CACNB4: variants seen among roughly 807,000 people sequenced by gnomAD.
The protein encoded by CACNB4 is voltage-dependent L-type calcium channel subunit beta-4.
A neutral mutation model predicts 71.2 loss-of-function variants in CACNB4; 32 were observed. The ratio of observed to expected loss-of-function variants is 0.45; its 90% CI spans 0.34 to 0.60. CACNB4 has a LOEUF of 0.60. CACNB4 is among the 20% of genes least tolerant of loss of function. CACNB4 has a pLI of 0.01. For missense variants in CACNB4, 464 were observed against 647.9 expected, an observed-to-expected ratio of 0.72 and a Z score of 3.08; for synonymous variants, 231 against 236.9, an observed-to-expected ratio of 0.97 and a Z score of 0.23.
At chr2:152,006,715 A>G (rs898638082) in intron 2 of CACNB4, among the ~76,000 whole-genome samples, 2 of 152,094 alleles carry the variant, frequency 1.3e-5, no homozygotes, top group African/African-American at 4.8e-5. Context: ...TTACTCTGGG[A>G]TTGAAAGCCT....
At chr2:151,846,392 A>T (rs1248526100) in intron 12 of CACNB4, among the ~76,000 whole-genome samples, 1 of 152,154 alleles carries the variant, frequency 6.6e-6, no homozygotes, top group African/African-American at 2.4e-5. Context: ...TATAAAATAC[A>T]TATTTTCTAG....
At chr2:151,867,248 G>A (rs2099843403) in intron 9 of CACNB4, 1 of 152,220 alleles carries the variant, frequency 6.6e-6, no homozygotes, top group Non-Finnish European at 1.5e-5. Context: ...CTATGCACGT[G>A]CGACCAAGGC....
rs999024518 is a variant in CACNB4, at chr2:151,837,068, T to C, written c.*2051A>G. The C allele has an allele frequency of 6.6e-6, 1 of 152,058 alleles. No individual in the cohort carries two copies. The highest frequency in any genetic ancestry group is 2.4e-5 in the African/African-American group (1 of 41,456). 9.4% of individuals were successfully genotyped at this position (152,058 alleles called of 1,614,324 possible). ...TTTTGTTTGCTGGAAGATGCTCTTCTGTGTTCTAACAAAGTATTCAGTAAT... is the reference window on the plus strand; with the variant it reads ...TTTTGTTTGCTGGAAGATGCTCTTCCGTGTTCTAACAAAGTATTCAGTAAT... On this transcript the variant is annotated 3_prime_UTR_variant, in exon 14 of 14. Transcript: ENST00000539935.
At chr2:152,089,680 C>T (rs1687859958) in intron 2 of CACNB4, among the ~76,000 whole-genome samples, 1 of 152,004 alleles carries the variant, frequency 6.6e-6, no homozygotes, top group African/African-American at 2.4e-5. Context: ...GCCTGTAATC[C>T]CAACACTTTG....
intron 2 of CACNB4, among the ~76,000 whole-genome samples, chr2:152,085,236 G>T (rs1687592668): frequency 6.6e-6 from 1 of 151,916 alleles, no homozygotes; most frequent in African/African-American, 2.4e-5. Context: ...GAGGGAAGGG[G>T]AACACACTGG....
chr2:152,099,076 G>C (rs1040235843), upstream of CACNB4: 63 of 1,123,834 alleles, frequency 5.6e-5, no homozygotes, highest in Non-Finnish European at 6.8e-5. Context: ...CCCGAGGCTG[G>C]GCTGCGGACG....
At chr2:151,893,552 T>C (rs2099851268) in intron 2 of CACNB4, among the ~76,000 whole-genome samples, 2 of 152,156 alleles carry the variant, frequency 1.3e-5, no homozygotes, top group Admixed American at 1.3e-4. Context: ...TTATAGCTTA[T>C]ATAAAAATAA....
intron 2 of CACNB4, among the ~76,000 whole-genome samples, chr2:152,096,409 A>G (rs1688271456): frequency 6.6e-6 from 1 of 152,188 alleles, no homozygotes; most frequent in African/African-American, 2.4e-5. Context: ...GCGTGAACCC[A>G]GGAGGCAGAG....
intron 2 of CACNB4, among the ~76,000 whole-genome samples, chr2:151,928,409 G>A (rs1308704919): frequency 1.3e-5 from 2 of 152,168 alleles, no homozygotes; most frequent in Non-Finnish European, 2.9e-5. Flanking sequence ...CAAGGACCAT[G>A]CCTCATTTAT....
chr2:151,930,285 A>AGCTG (rs1479167780), intron 2 of CACNB4, among the ~76,000 whole-genome samples: 2 of 152,210 alleles, frequency 1.3e-5, no homozygotes, highest in African/African-American at 2.4e-5. Flanking sequence ...ATGTTGCAAA[A>AGCTG]GCTGGCTGGC....
At chr2:151,942,357 A>T (rs138369117) in intron 2 of CACNB4, among the ~76,000 whole-genome samples, 2,003 of 149,306 alleles carry the variant, frequency 0.013, 46 homozygotes, top group Admixed American at 0.023. Context: ...TGCCTGTCTT[A>T]TTTTAATCTC....
At chr2:151,903,000 A>T (rs1364155639) in intron 2 of CACNB4, among the ~76,000 whole-genome samples, 1 of 152,218 alleles carries the variant, frequency 6.6e-6, no homozygotes, top group Non-Finnish European at 1.5e-5. Flanking sequence ...AATTTCTCCT[A>T]GCAATTTGGA....
intron 2 of CACNB4, among the ~76,000 whole-genome samples, chr2:152,012,130 C>T (rs1683088612): frequency 6.6e-6 from 1 of 151,306 alleles, no homozygotes; most frequent in South Asian, 2.1e-4. Context: ...TGTAAAACAG[C>T]CTCAGGCAGG....
chr2:151,922,744 T>C (rs1252256582), intron 2 of CACNB4, among the ~76,000 whole-genome samples: 1 of 152,248 alleles, frequency 6.6e-6, no homozygotes. Flanking sequence ...ACCAAGACAG[T>C]TGCAGTTTGT....
intron 2 of CACNB4, among the ~76,000 whole-genome samples, chr2:152,029,007 A>T (rs1684119449): frequency 6.6e-6 from 1 of 152,190 alleles, no homozygotes; most frequent in Non-Finnish European, 1.5e-5. Flanking sequence ...AAGAAGATAG[A>T]GTGTGTTGGT....
chr2:151,869,292 AG>A, intron 8 of CACNB4, 57 bp from the exon 9 acceptor site: 1 of 1,010,188 alleles, frequency 9.9e-7, no homozygotes, highest in Non-Finnish European at 1.5e-6. Context: ...GAGAGAGAGA[AG>A]TCAAAAGGGA....
At chr2:152,087,086 T>C (rs1687699755) in intron 2 of CACNB4, among the ~76,000 whole-genome samples, 1 of 150,716 alleles carries the variant, frequency 6.6e-6, no homozygotes, top group Non-Finnish European at 1.5e-5. Context: ...GAGCCAAGAT[T>C]GCACCGTTGC....
intron 2 of CACNB4, among the ~76,000 whole-genome samples, chr2:152,008,232 G>A (rs1382682753): frequency 1.3e-5 from 2 of 151,410 alleles, no homozygotes; most frequent in South Asian, 2.1e-4. Context: ...ACTGTCTACT[G>A]TCTATTGTCT....
chr2:152,025,592 G>A (rs1683917952), intron 2 of CACNB4, among the ~76,000 whole-genome samples: 2 of 152,190 alleles, frequency 1.3e-5, no homozygotes, highest in African/African-American at 4.8e-5. Flanking sequence ...CTAGGAGTTT[G>A]GAATATCTCA....
Sources: gnomAD v4.1 joint callset for allele counts (sites outside exome capture counted in the v4.1 genomes callset) on GRCh38, gnomAD v4.1.1 for gene constraint, MANE v1.5 for transcripts, NCBI Gene and HGNC (gene_info 2026-07-23, HGNC 2026-07-21) for gene names.